CD46: variants seen among roughly 807,000 people sequenced by gnomAD.
CD46 encodes the protein membrane cofactor protein.
CD46 carries 30 observed loss-of-function variants against 53.3 expected under a neutral mutation model. The observed-to-expected ratio is 0.56, with a 90% CI of 0.42 to 0.76. CD46 has a LOEUF of 0.76. CD46 is among the 30% of genes least tolerant of loss of function. The pLI, the probability that CD46 is intolerant of heterozygous loss-of-function variation, is 0.00. For missense variants in CD46, 409 were observed against 463.0 expected (o/e 0.88, Z 1.07); for synonymous variants, 142 against 152.0 (o/e 0.93, Z 0.48).
Position 207,752,139 on chromosome 1 carries a change from G to A in CD46, c.-74G>A. ...TGCGTCCCATATCTGGACCCAGAAG[G>A]GACTTCCCTGCTCGGCTGGCTCTCG... On this transcript the variant is annotated 5_prime_UTR_variant, in exon 1 of 13. Transcript: ENST00000367042. The surrounding 1 kb of genome is among the most constrained non-coding windows in gnomAD (Gnocchi z 4.1). The A allele has an allele frequency of 7.4e-7, 1 of 1,353,678 alleles. No individual in the cohort carries two copies. The highest frequency in any genetic ancestry group is 1.1e-6 in the Non-Finnish European group (1 of 950,476). The allele number at this position is 1,353,678 out of a possible 1,614,324, so 83.9% of individuals were successfully genotyped here.
In CD46 at chr1:207,752,280, C is replaced by G. The variant is rs765870721; in HGVS notation, c.68C>G (p.Ala23Gly). Residue 23 changes from alanine (A) to glycine (G), a missense_variant, in exon 1 of 13, where the codon GCC becomes GGC. By Grantham distance (60) the Ala-to-Gly change is moderately conservative. Coordinates refer to ENST00000367042, the MANE Select transcript of CD46 (RefSeq NM_172351.3). This position sits in a 1 kb window ranked among gnomAD's most constrained non-coding sequence, Gnocchi z 4.1. ...CGCTTTCCTGGGTTGCTTCTGGCGGCCATGGTGTTGCTGCTGTACTCCTTC... is the reference window on the plus strand; with the variant it reads ...CGCTTTCCTGGGTTGCTTCTGGCGGGCATGGTGTTGCTGCTGTACTCCTTC... ...SWRFPGLLLAAMVLLLYSFSD... is the reference protein window; with the variant it reads ...SWRFPGLLLAGMVLLLYSFSD... 3.7e-6 allele frequency: 6 copies of G among 1,614,164 alleles called. No homozygotes were observed. The East Asian group carries it at 1.3e-4, about 36-fold the overall frequency.
At position 207,752,266 on chromosome 1, in the gene CD46, G is replaced by A; in HGVS notation, c.54G>A (p.Gly18=). ...CCTTTCCTTCCTGGCGCTTTCCTGG[G>A]TTGCTTCTGGCGGCCATGGTGTTGC... The part of the protein sequence containing the change: ...ECPFPSWRFP[G]LLLAAMVLLL... Residue 18 remains glycine, a synonymous_variant, in exon 1 of 13, where the codon GGG becomes GGA. Coordinates refer to ENST00000367042, the MANE Select transcript of CD46 (RefSeq NM_172351.3). The surrounding 1 kb of genome is among the most constrained non-coding windows in gnomAD (Gnocchi z 4.1). The A allele has an allele frequency of 2.5e-6, 4 of 1,614,150 alleles. No individual in the cohort carries two copies. The highest frequency in any genetic ancestry group is 3.4e-6 in the Non-Finnish European group (4 of 1,180,012).
Position 207,777,497 on chromosome 1 carries a change from C to T in CD46, c.944-5795C>T, listed in dbSNP as rs137903984. Among the ~76,000 whole-genome samples, 512 of 152,282 alleles carry T rather than the reference C, an allele frequency of 3.4e-3. 2 individuals are homozygous for T. Among genetic ancestry groups the T allele is most frequent in the African/African-American group, 0.01 (433 of 41,560 alleles). ...CTCTTCTTCCTACTCCCACCCTCCC[C>T]GGTCAAGTATACCCCAGTGTCTGTT... On this transcript the variant is annotated intron_variant, in intron 8 of 12. Transcript: ENST00000367042.
At chr1:207,787,467 T>A (rs1659376946) in intron 11 of CD46, among the ~76,000 whole-genome samples, 1 of 152,146 alleles carries the variant, frequency 6.6e-6, no homozygotes. Context: ...AAAATTAATT[T>A]GTCCAGTGAT....
rs1654977743 is a variant in CD46 at position 207,752,179 on chromosome 1, C to T, written c.-34C>T. 1 of 1,600,884 alleles carries T rather than the reference C, an allele frequency of 6.2e-7. No individual in the cohort carries two copies. Among genetic ancestry groups the T allele is most frequent in the Non-Finnish European group, 8.5e-7 (1 of 1,170,334 alleles). The stretch of plus-strand genomic sequence containing the variant: ...GCTGGCTCTCGGTTTCTCTGCTTTC[C>T]TCCGGAGAAATAACAGCGTCTTCCG... On this transcript the variant is annotated 5_prime_UTR_variant, in exon 1 of 13. Transcript: ENST00000367042. The surrounding 1 kb of genome is among the most constrained non-coding windows in gnomAD (Gnocchi z 4.1).
At chr1:207,756,851 C>T (rs1479937428) in intron 1 of CD46, among the ~76,000 whole-genome samples, 163 bp from the exon 2 acceptor site, 1 of 152,194 alleles carries the variant, frequency 6.6e-6, no homozygotes, top group Admixed American at 6.5e-5. Context: ...GTCCCATTTC[C>T]TCCACTGCTA....
rs559447118 is a variant in CD46, at chr1:207,794,369, C to G, written c.*892C>G. The G allele has an allele frequency of 2.0e-5, 3 of 152,206 alleles. No homozygotes were observed. Among genetic ancestry groups the G allele is most frequent in the Non-Finnish European group, 4.4e-5 (3 of 68,054 alleles). The allele number at this position is 152,206 out of a possible 1,614,324, so 9.4% of individuals were successfully genotyped here. On this transcript the variant is annotated 3_prime_UTR_variant, in exon 13 of 13. Coordinates refer to ENST00000367042, the MANE Select transcript of CD46 (RefSeq NM_172351.3). ...CATGGTGCGAAGTGAACACTGTAGT[C>G]TTGTTGTTTTCCCAAAGAGAACTCC... is the stretch of plus-strand genomic sequence containing the variant.
At chr1:207,793,073 C>G (rs1387553576) in intron 12 of CD46, among the ~76,000 whole-genome samples, 1 of 152,158 alleles carries the variant, frequency 6.6e-6, no homozygotes, top group South Asian at 2.1e-4. Flanking sequence ...TTAGGAGACT[C>G]TTAGTGGAAT....
chr1:207,771,158 G>A (rs1277210191), intron 8 of CD46, among the ~76,000 whole-genome samples: 2 of 152,184 alleles, frequency 1.3e-5, no homozygotes, highest in Non-Finnish European at 1.5e-5. Context: ...CAGTGATGAT[G>A]AGCATTTTTT....
At chr1:207,757,414 C>A in intron 2 of CD46, 126 bp from the exon 3 acceptor site, 1 of 783,874 alleles carries the variant, frequency 1.3e-6, no homozygotes, top group Non-Finnish European at 2.2e-6. Context: ...CTTAAGTTTG[C>A]CCTTATAATA....
At chr1:207,792,451 C>T (rs533181452) in intron 12 of CD46, among the ~76,000 whole-genome samples, 132 of 152,262 alleles carry the variant, frequency 8.7e-4, no homozygotes, top group Non-Finnish European at 1.4e-3. Flanking sequence ...CAAAGAAGAA[C>T]CAACCCGTTT....
At chr1:207,776,712 T>A (rs1391366309) in intron 8 of CD46, among the ~76,000 whole-genome samples, 2 of 152,252 alleles carry the variant, frequency 1.3e-5, no homozygotes, top group Non-Finnish European at 2.9e-5. Context: ...CACTGCAGCC[T>A]CAACCTCCTG....
At chr1:207,756,920 T>A in intron 1 of CD46, 94 bp from the exon 2 acceptor site, 1 of 1,061,518 alleles carries the variant, frequency 9.4e-7, no homozygotes, top group East Asian at 2.4e-5. Context: ...GGCCTTTCTG[T>A]TTTTTCTGTA....
At position 207,752,056 on chromosome 1, in the gene CD46, G is replaced by C. The variant is rs1389769613; in HGVS notation, c.-157G>C. 6.3e-6 allele frequency: 5 copies of C among 788,310 alleles called. No individual in the cohort carries two copies. Among genetic ancestry groups the C allele is most frequent in the Non-Finnish European group, 1.1e-5 (5 of 458,760 alleles). The allele number at this position is 788,310 out of a possible 1,614,324, so 48.8% of individuals were successfully genotyped here. A position where few individuals can be genotyped will look rare whatever the true frequency, so the allele number is the denominator to read the frequency against. ...CTCGACGCACTTCCGCCCCGGGCGC[G>C]GCTCGGGCCACGCCCACCTGTCCTG... is the stretch of plus-strand genomic sequence containing the variant. On this transcript the variant is annotated 5_prime_UTR_variant, in exon 1 of 13. Coordinates refer to ENST00000367042, the MANE Select transcript of CD46 (RefSeq NM_172351.3). The surrounding 1 kb of genome is among the most constrained non-coding windows in gnomAD (Gnocchi z 4.1).
chr1:207,776,445 C>T (rs139970472), intron 8 of CD46, among the ~76,000 whole-genome samples: 260 of 152,330 alleles, frequency 1.7e-3, no homozygotes, highest in African/African-American at 6.0e-3. Flanking sequence ...GCATCTATCT[C>T]GCTGGAGCTG....
chr1:207,765,962 C>T (rs535659941), intron 5 of CD46, among the ~76,000 whole-genome samples: 34 of 152,252 alleles, frequency 2.2e-4, no homozygotes, highest in Middle Eastern at 3.4e-3. Flanking sequence ...TGGACTCGTA[C>T]TCAGCAATAA....
intron 5 of CD46, among the ~76,000 whole-genome samples, chr1:207,764,505 C>A (rs549492864): frequency 6.6e-6 from 1 of 152,280 alleles, no homozygotes; most frequent in South Asian, 2.1e-4. Flanking sequence ...CTGACTTCCC[C>A]CCATCCCTTA....
intron 8 of CD46, among the ~76,000 whole-genome samples, chr1:207,779,483 C>T (rs1001711863): frequency 3.9e-5 from 6 of 152,016 alleles, no homozygotes; most frequent in African/African-American, 9.7e-5. Flanking sequence ...ATATACCATA[C>T]CTTATTTAAC....
chr1:207,760,261 A>G (rs1300512542), intron 4 of CD46: 1 of 153,450 alleles, frequency 6.5e-6, no homozygotes, highest in Non-Finnish European at 1.5e-5. Flanking sequence ...CCAAATCAAA[A>G]TAAAATTAGT....
Sources: allele counts gnomAD v4.1 joint callset (sites outside exome capture counted in the v4.1 genomes callset), GRCh38; gene constraint gnomAD v4.1.1; non-coding constraint Gnocchi (gnomAD v3.1); transcripts MANE v1.5; gene names NCBI Gene and HGNC (gene_info 2026-07-23, HGNC 2026-07-21).